FAM81B: variants seen among roughly 807,000 people sequenced by gnomAD.
FAM81B encodes protein FAM81B.
In FAM81B, 60 loss-of-function variants were observed where a neutral mutation model predicts 58.7. That is an observed-to-expected ratio of 1.02 (90% confidence interval 0.83 to 1.27). The LOEUF (loss-of-function observed/expected upper bound fraction) is 1.27. FAM81B is among the 50% of genes most tolerant of loss of function. The probability of loss-of-function intolerance (pLI) is 0.00; values close to 1 mark genes in which losing one functional copy is unlikely to be tolerated. For synonymous variants in FAM81B, 189 were observed against 179.6 expected, an observed-to-expected ratio of 1.05 and a Z score of -0.42; for missense variants, 491 against 522.0, an observed-to-expected ratio of 0.94 and a Z score of 0.58.
At chr5:95,423,929 G>T (rs1762754338) in intron 5 of FAM81B, 1 of 1,018,710 alleles carries the variant, frequency 9.8e-7, no homozygotes, top group South Asian at 1.3e-5. Flanking sequence ...TTACTTAGAG[G>T]CTCGGGTGGG....
At chr5:95,433,494 A>G (rs764915627) in intron 6 of FAM81B, among the ~76,000 whole-genome samples, 2 of 152,144 alleles carry the variant, frequency 1.3e-5, no homozygotes, top group Non-Finnish European at 2.9e-5. Flanking sequence ...ACACAGCCAA[A>G]CCATATCAAG....
At chr5:95,424,423 A>C (rs1762769649) in intron 5 of FAM81B, among the ~76,000 whole-genome samples, 1 of 151,264 alleles carries the variant, frequency 6.6e-6, no homozygotes, top group Admixed American at 6.6e-5. Flanking sequence ...GTTTCAACGA[A>C]ATTAAGAACA....
At position 95,398,329 on chromosome 5, in the gene FAM81B, G is replaced by T. The variant is rs565414204; in HGVS notation, c.293+2154G>T. Reference sequence around the variant, plus strand: ...AGCTACTCGAGAGGCTGAGGCAGGAGAATCACTTGAACCCGGGAGGTGGAG... The same window carrying T: ...AGCTACTCGAGAGGCTGAGGCAGGATAATCACTTGAACCCGGGAGGTGGAG... On this transcript the variant is annotated intron_variant, in intron 3 of 9. Transcript: ENST00000283357. 7.2e-5 allele frequency among the ~76,000 whole-genome samples: 11 copies of T among 152,192 alleles called. 1 individual carries two copies. The South Asian group carries it at 2.3e-3, about 32-fold the overall frequency.
intron 4 of FAM81B, 84 bp from the exon 5 acceptor site, chr5:95,420,200 T>C: frequency 1.3e-6 from 2 of 1,558,970 alleles, no homozygotes; most frequent in Non-Finnish European, 1.8e-6. Context: ...CAAAATGCAT[T>C]CATTTAGGTA....
chr5:95,424,420 C>T (rs1039973767), intron 5 of FAM81B, among the ~76,000 whole-genome samples: 1 of 123,828 alleles, frequency 8.1e-6, no homozygotes, highest in Non-Finnish European at 1.7e-5. Context: ...CCGGTTTCAA[C>T]GAAATTAAGA....
chr5:95,393,635 TCCTGAAGCTCCTCACCTATAAAA>T (rs1393272419), intron 2 of FAM81B, among the ~76,000 whole-genome samples: 3 of 152,326 alleles, frequency 2.0e-5, no homozygotes, highest in African/African-American at 7.2e-5. Flanking sequence ...ACTTCTCTGA[TCCTGAAGCTCCTCACCTATAAAA>T]AATAGTCATC....
intron 7 of FAM81B, among the ~76,000 whole-genome samples, chr5:95,437,457 G>A (rs921786909): frequency 2.0e-5 from 3 of 152,156 alleles, no homozygotes; most frequent in Non-Finnish European, 4.4e-5. Flanking sequence ...CCATTCTCCT[G>A]CCTCAGCCTC....
intron 7 of FAM81B, among the ~76,000 whole-genome samples, chr5:95,445,226 C>G (rs960309288): frequency 1.3e-5 from 2 of 152,146 alleles, no homozygotes; most frequent in African/African-American, 4.8e-5. Context: ...TGTCTGAAAA[C>G]ATCAGAGCAA....
intron 4 of FAM81B, among the ~76,000 whole-genome samples, chr5:95,419,026 T>C (rs142626693): frequency 6.6e-6 from 1 of 152,328 alleles, no homozygotes; most frequent in East Asian, 1.9e-4. Flanking sequence ...TACACTGATT[T>C]ACTTATCCTT....
intron 1 of FAM81B, 82 bp from the exon 2 acceptor site, chr5:95,392,712 C>T (rs1761859243): frequency 1.8e-6 from 2 of 1,127,848 alleles, no homozygotes; most frequent in Non-Finnish European, 2.6e-6. Flanking sequence ...CAGAAACTGC[C>T]CTCAATTAAA....
chr5:95,427,843 C>A (rs2152766852), intron 5 of FAM81B, among the ~76,000 whole-genome samples: 1 of 152,284 alleles, frequency 6.6e-6, no homozygotes, highest in Non-Finnish European at 1.5e-5. Context: ...TGCTGTCCCC[C>A]AAGAGAGTCA....
chr5:95,406,576 G>T (rs907907111), intron 3 of FAM81B, among the ~76,000 whole-genome samples: 28 of 152,118 alleles, frequency 1.8e-4, no homozygotes, highest in Non-Finnish European at 3.7e-4. Flanking sequence ...GCTGAAGTCT[G>T]CCAGCTGGCA....
intron 5 of FAM81B, among the ~76,000 whole-genome samples, chr5:95,426,620 A>G (rs1325194038): frequency 6.6e-6 from 1 of 152,216 alleles, no homozygotes; most frequent in Non-Finnish European, 1.5e-5. Context: ...AGGAGACATT[A>G]TTCGCATTGT....
chr5:95,421,358 G>A (rs1204995132), intron 5 of FAM81B, among the ~76,000 whole-genome samples: 1 of 152,214 alleles, frequency 6.6e-6, no homozygotes, highest in Non-Finnish European at 1.5e-5. Flanking sequence ...CAGTTAACTA[G>A]ACAAGGAAAA....
intron 3 of FAM81B, among the ~76,000 whole-genome samples, chr5:95,406,694 C>T (rs1315595305): frequency 6.6e-6 from 1 of 152,100 alleles, no homozygotes; most frequent in Admixed American, 6.5e-5. Flanking sequence ...TTTAAAATAG[C>T]CCCCACCACC....
rs1361077617 is a variant in FAM81B at position 95,396,102 on chromosome 5, T to C, written c.229-9T>C. 6.2e-6 allele frequency: 10 copies of C among 1,601,136 alleles called. No homozygotes were observed. The highest frequency in any genetic ancestry group is 8.5e-6 in the Non-Finnish European group (10 of 1,172,554). ...ATGATATATTCTGAATCTGTAACCT[T>C]TGTTTTAGGTAAGATTATCTCCAGC... On this transcript the variant is annotated splice_polypyrimidine_tract_variant and intron_variant, in intron 2 of 9. Transcript: ENST00000283357.
At position 95,446,590 on chromosome 5, in the gene FAM81B, G is replaced by A. The variant is rs370398727; in HGVS notation, c.922G>A (p.Glu308Lys). 46 of 1,609,880 alleles carry A rather than the reference G, an allele frequency of 2.9e-5. No homozygotes were observed. The highest frequency in any genetic ancestry group is 6.7e-5 in the South Asian group (6 of 90,136). ...TCATTCACTTTCAAGTAATCTGTAC[G>A]AAGAAGTTGAGAATAATAAAAAATG... is the stretch of plus-strand genomic sequence containing the variant. ...KFHSLSSNLYEEVENNKKWTE... is the reference protein window; with the variant it reads ...KFHSLSSNLYKEVENNKKWTE... The change falls in exon 8 of 10, where the codon GAA (glutamate) becomes AAA (lysine). Residue 308 changes from glutamate (E) to lysine (K), a missense_variant. Physicochemically the swap from Glu to Lys is moderately conservative, Grantham distance 56 (BLOSUM62 1). Coordinates refer to ENST00000283357, the MANE Select transcript of FAM81B (RefSeq NM_152548.3).
intron 3 of FAM81B, among the ~76,000 whole-genome samples, chr5:95,405,717 A>G (rs769283047): frequency 2.6e-5 from 4 of 152,142 alleles, no homozygotes; most frequent in African/African-American, 4.8e-5. Flanking sequence ...CTGGTCTCCA[A>G]TGGAGCCTTG....
At chr5:95,402,386 A>G (rs1223974565) in intron 3 of FAM81B, among the ~76,000 whole-genome samples, 1 of 152,248 alleles carries the variant, frequency 6.6e-6, no homozygotes, top group Admixed American at 6.5e-5. Context: ...TTGGTGCTTC[A>G]TTAAACCTTA....
Sources: allele counts gnomAD v4.1 joint callset (sites outside exome capture counted in the v4.1 genomes callset), GRCh38; gene constraint gnomAD v4.1.1; transcripts MANE v1.5; gene names NCBI Gene and HGNC (gene_info 2026-07-23, HGNC 2026-07-21).